ABCC4: variants seen among roughly 807,000 people sequenced by gnomAD.
ABCC4 encodes ATP-binding cassette sub-family C member 4.
A neutral mutation model predicts 168.5 loss-of-function variants in ABCC4; 102 were observed. The ratio of observed to expected loss-of-function variants is 0.61; its 90% CI spans 0.52 to 0.71. ABCC4 has a LOEUF of 0.71. Ranked by LOEUF, ABCC4 falls within the 30% of genes least tolerant of loss-of-function variation. The pLI, the probability that ABCC4 is intolerant of heterozygous loss-of-function variation, is 0.00. For synonymous variants in ABCC4, 617 were observed against 590.7 expected (o/e 1.04, Z -0.65); for missense variants, 1,402 against 1,605.8 (o/e 0.87, Z 2.17).
At chr13:95,182,385 A>G (rs2037926889) in intron 11 of ABCC4, among the ~76,000 whole-genome samples, 1 of 152,260 alleles carries the variant, frequency 6.6e-6, no homozygotes. Flanking sequence ...AAGGATTAAA[A>G]GAAACTATGC....
chr13:95,245,589 C>A (rs1489928448), intron 3 of ABCC4, among the ~76,000 whole-genome samples: 1 of 152,208 alleles, frequency 6.6e-6, no homozygotes, highest in Non-Finnish European at 1.5e-5. Context: ...CAAGTCAGTT[C>A]CACCGGTTAT....
chr13:95,274,586 C>G lies in ABCC4; in HGVS notation c.74+26655G>C, dbSNP rs567188811. ...CCTGTCCCTGAAAGCTCAAGAAAGA[C>G]CATGGCCCAGGCTCTCCCCTCACTC... On this transcript the variant is annotated intron_variant, in intron 1 of 30. Transcript: ENST00000645237. 1.1e-4 allele frequency among the ~76,000 whole-genome samples: 17 copies of G among 152,328 alleles called. No individual in the cohort carries two copies. The South Asian group carries it at 3.3e-3, about 30-fold the overall frequency.
intron 4 of ABCC4, among the ~76,000 whole-genome samples, chr13:95,233,294 T>A (rs963610194): frequency 7.0e-6 from 1 of 143,858 alleles, no homozygotes; most frequent in Non-Finnish European, 1.5e-5. Flanking sequence ...ACCAAGATGA[T>A]TTAAAGTACA....
At chr13:95,252,079 T>C (rs1274764737) in intron 1 of ABCC4, among the ~76,000 whole-genome samples, 1 of 152,096 alleles carries the variant, frequency 6.6e-6, no homozygotes. Context: ...ATCACAATAC[T>C]GGTGTTCAAG....
chr13:95,250,414 C>A (rs2040223965), intron 1 of ABCC4, among the ~76,000 whole-genome samples: 1 of 152,208 alleles, frequency 6.6e-6, no homozygotes, highest in East Asian at 1.9e-4. Flanking sequence ...CCCATTATGC[C>A]TGGTATGTGA....
intron 19 of ABCC4, among the ~76,000 whole-genome samples, chr13:95,137,406 T>TG (rs1156433187): frequency 6.6e-6 from 1 of 152,216 alleles, no homozygotes; most frequent in Non-Finnish European, 1.5e-5. Context: ...AAAAAAGTCT[T>TG]GCTGTTTCCC....
At chr13:95,125,632 C>T (rs2035732378) in intron 19 of ABCC4, among the ~76,000 whole-genome samples, 1 of 152,148 alleles carries the variant, frequency 6.6e-6, no homozygotes, top group South Asian at 2.1e-4. Context: ...TCATCCCAGA[C>T]CTTAACATGC....
At position 95,267,064 on chromosome 13, in the gene ABCC4, A is replaced by T. The variant is rs528256486; in HGVS notation, c.75-19311T>A. Among the ~76,000 whole-genome samples the T allele has an allele frequency of 3.3e-5, 5 of 151,830 alleles. No individual in the cohort carries two copies. In the South Asian group the frequency reaches 1.0e-3, roughly 32 times the overall value. ...AATTTGTTTTGTATTTTTAGTAGAGATGGGGTTTCACCATGTTATGTTGGA... is the reference window on the plus strand; with the variant it reads ...AATTTGTTTTGTATTTTTAGTAGAGTTGGGGTTTCACCATGTTATGTTGGA... On this transcript the variant is annotated intron_variant, in intron 1 of 30. Coordinates refer to ENST00000645237, the MANE Select transcript of ABCC4 (RefSeq NM_005845.5).
At position 95,059,440 on chromosome 13, in the gene ABCC4, C is replaced by T. The variant is rs568408196; in HGVS notation, c.3366+3264G>A. On this transcript the variant is annotated intron_variant, in intron 26 of 30. Transcript: ENST00000645237. The stretch of plus-strand genomic sequence containing the variant: ...ACTAAAGCACTGGATCTAAGAGGGA[C>T]AAGCCCCTGTTCTCACGCAGGGCTG... 2.5e-3 allele frequency among the ~76,000 whole-genome samples: 383 copies of T among 152,338 alleles called. 2 individuals carry two copies. The highest frequency in any genetic ancestry group is 8.9e-3 in the African/African-American group (371 of 41,572).
At chr13:95,248,306 G>C (rs1041247691) in intron 1 of ABCC4, among the ~76,000 whole-genome samples, 1 of 152,058 alleles carries the variant, frequency 6.6e-6, no homozygotes, top group African/African-American at 2.4e-5. Context: ...GGGGTAAGAA[G>C]GAAAAACTCT....
intron 3 of ABCC4, among the ~76,000 whole-genome samples, chr13:95,240,478 C>T (rs894407102): frequency 6.6e-6 from 1 of 151,556 alleles, no homozygotes; most frequent in African/African-American, 2.4e-5. Flanking sequence ...TTGCAGTGAA[C>T]CAAGATCATG....
intron 23 of ABCC4, chr13:95,073,592 CATT>C (rs1316284197): frequency 4.1e-6 from 1 of 245,696 alleles, no homozygotes. Flanking sequence ...TTCAGACATT[CATT>C]ATTATGGTTT....
intron 3 of ABCC4, among the ~76,000 whole-genome samples, chr13:95,243,897 TAA>T (rs11412332): frequency 7.0e-6 from 1 of 142,154 alleles, no homozygotes; most frequent in African/African-American, 2.6e-5. Context: ...GACGAAAACA[TAA>T]AAAAAAAAAA....
At chr13:95,082,226 T>C (rs923176607) in intron 21 of ABCC4, among the ~76,000 whole-genome samples, 1 of 152,196 alleles carries the variant, frequency 6.6e-6, no homozygotes, top group South Asian at 2.1e-4. Flanking sequence ...CTATTATCCT[T>C]ATACCTTTTA....
chr13:95,178,536 C>T (rs7331783), intron 11 of ABCC4, among the ~76,000 whole-genome samples: 3,349 of 152,256 alleles, frequency 0.022, 141 homozygotes, highest in African/African-American at 0.076. Context: ...AACAAGGGCT[C>T]TGATCGAGGG....
intron 20 of ABCC4, among the ~76,000 whole-genome samples, chr13:95,086,813 T>C (rs2034272177): frequency 2.0e-5 from 3 of 152,226 alleles, no homozygotes. Flanking sequence ...AGATGAAATA[T>C]GTATTTAATC....
At chr13:95,104,340 T>C (rs2034922133) in intron 20 of ABCC4, among the ~76,000 whole-genome samples, 1 of 152,178 alleles carries the variant, frequency 6.6e-6, no homozygotes, top group Non-Finnish European at 1.5e-5. Flanking sequence ...TCTGGAACTC[T>C]TGACCTCAAG....
intron 6 of ABCC4, among the ~76,000 whole-genome samples, chr13:95,208,912 G>A (rs748492393): frequency 1.3e-5 from 2 of 152,110 alleles, no homozygotes; most frequent in East Asian, 1.9e-4. Context: ...CAGCCACCAC[G>A]ACCAGCTAAC....
chr13:95,193,176 T>C (rs1052968315), intron 9 of ABCC4, among the ~76,000 whole-genome samples: 7 of 152,232 alleles, frequency 4.6e-5, no homozygotes, highest in South Asian at 2.1e-4. Context: ...TTTTGACATT[T>C]GTCCCACAGG....
Sources: gnomAD v4.1 joint callset for allele counts (sites outside exome capture counted in the v4.1 genomes callset) on GRCh38, gnomAD v4.1.1 for gene constraint, MANE v1.5 for transcripts, NCBI Gene and HGNC (gene_info 2026-07-23, HGNC 2026-07-21) for gene names.